Variants in EML4 observed in about 807,000 individuals in gnomAD.
The protein encoded by EML4 is echinoderm microtubule-associated protein-like 4.
A neutral mutation model predicts 129.0 loss-of-function variants in EML4; 72 were observed. That is an observed-to-expected ratio of 0.56 (90% CI 0.46 to 0.68). The LOEUF (loss-of-function observed/expected upper bound fraction) is 0.68, where lower values mean the gene tolerates loss of function less well. Among genes scored for constraint, EML4 ranks in the 30% least tolerant of loss-of-function variants. The probability of loss-of-function intolerance (pLI) is 0.00; values close to 1 mark genes in which losing one functional copy is unlikely to be tolerated. For synonymous variants in EML4, 532 were observed against 405.0 expected (o/e 1.31, Z -3.77); for missense variants, 1,363 against 1,190.6 (o/e 1.14, Z -2.13).
At chr2:42,315,018 T>G (rs1669163015) in intron 17 of EML4, among the ~76,000 whole-genome samples, 1 of 152,276 alleles carries the variant, frequency 6.6e-6, no homozygotes, top group Non-Finnish European at 1.5e-5. Context: ...GTGCAAGTGT[T>G]GGAGGTCTCA....
intron 1 of EML4, among the ~76,000 whole-genome samples, chr2:42,214,938 C>T (rs1673095977): frequency 6.6e-6 from 1 of 152,178 alleles, no homozygotes; most frequent in Non-Finnish European, 1.5e-5. Context: ...AAGCAAGTCA[C>T]AAGGCCAGCC....
intron 1 of EML4, among the ~76,000 whole-genome samples, chr2:42,204,124 T>TTAATA (rs1672399626): frequency 6.6e-6 from 1 of 152,150 alleles, no homozygotes. Context: ...CTCACTTTGT[T>TTAATA]GCCCAGGCTG....
At chr2:42,297,796 T>C (rs547161502) in intron 13 of EML4, among the ~76,000 whole-genome samples, 8 of 152,342 alleles carry the variant, frequency 5.3e-5, no homozygotes, top group African/African-American at 1.7e-4. Flanking sequence ...AGGAGATTTT[T>C]TGGATGGCAG....
chr2:42,200,321 C>T (rs1672151010), intron 1 of EML4, among the ~76,000 whole-genome samples: 1 of 151,848 alleles, frequency 6.6e-6, no homozygotes, highest in Non-Finnish European at 1.5e-5. Context: ...CAAGACTACG[C>T]CTCAAAAAAA....
At chr2:42,181,379 T>G (rs1670930799) in intron 1 of EML4, among the ~76,000 whole-genome samples, 1 of 152,086 alleles carries the variant, frequency 6.6e-6, no homozygotes, top group Non-Finnish European at 1.5e-5. Context: ...GCTCACCGCA[T>G]CCTCCACCTC....
intron 1 of EML4, among the ~76,000 whole-genome samples, chr2:42,202,161 G>A (rs1209136115): frequency 3.3e-5 from 5 of 152,060 alleles, no homozygotes; most frequent in Admixed American, 1.3e-4. Context: ...AAGGAGAGGC[G>A]TTGGTCAAAT....
chr2:42,300,401 T>TA (rs942289170), intron 13 of EML4, among the ~76,000 whole-genome samples: 1 of 152,192 alleles, frequency 6.6e-6, no homozygotes, highest in African/African-American at 2.4e-5. Context: ...AAATATAATT[T>TA]AAAAAACCAC....
chr2:42,241,738 GCA>G (rs1478523917), intron 1 of EML4, among the ~76,000 whole-genome samples: 4 of 152,142 alleles, frequency 2.6e-5, no homozygotes, highest in Admixed American at 2.6e-4. Flanking sequence ...AAAATAAAAG[GCA>G]CATAAGGTGA....
intron 1 of EML4, among the ~76,000 whole-genome samples, chr2:42,192,127 A>G (rs2103906542): frequency 6.6e-6 from 1 of 151,516 alleles, no homozygotes; most frequent in East Asian, 1.9e-4. Context: ...TGTCTCAAAA[A>G]AAAAAAAAAT....
At chr2:42,237,154 C>A (rs753841264) in intron 1 of EML4, among the ~76,000 whole-genome samples, 1 of 152,006 alleles carries the variant, frequency 6.6e-6, no homozygotes, top group African/African-American at 2.4e-5. Flanking sequence ...AGGCTGGTCT[C>A]GAACTCCTGA....
chr2:42,169,897 G>A (rs1454028623), intron 1 of EML4: 2 of 403,500 alleles, frequency 5.0e-6, no homozygotes, highest in Non-Finnish European at 8.9e-6. Flanking sequence ...CCCAAAGTGG[G>A]AACCCCTTCC....
intron 1 of EML4, among the ~76,000 whole-genome samples, chr2:42,188,554 C>CT (rs35681448): frequency 0.31 from 47,058 of 150,986 alleles, 7,651 homozygotes; most frequent in East Asian, 0.55. Flanking sequence ...TTTAAAATTA[C>CT]TTTTTTTTTG....
At chr2:42,290,372 C>T (rs1667568118) in intron 11 of EML4, among the ~76,000 whole-genome samples, 1 of 151,878 alleles carries the variant, frequency 6.6e-6, no homozygotes, top group Non-Finnish European at 1.5e-5. Context: ...AAGGCGAGGG[C>T]AGCCCAGATG....
chr2:42,280,785 A>T, intron 6 of EML4, 65 bp from the exon 7 acceptor site: 1 of 1,269,498 alleles, frequency 7.9e-7, no homozygotes, highest in Non-Finnish European at 1.1e-6. Flanking sequence ...TCACGTTAAT[A>T]ATCCACTTTT....
At chr2:42,282,227 T>C (rs1246522193) in intron 7 of EML4, among the ~76,000 whole-genome samples, 1 of 152,016 alleles carries the variant, frequency 6.6e-6, no homozygotes, top group African/African-American at 2.4e-5. Flanking sequence ...ACATAGGGCC[T>C]ACATTTTTTT....
chr2:42,211,999 C>G (rs1011334069), intron 1 of EML4, among the ~76,000 whole-genome samples: 1 of 152,056 alleles, frequency 6.6e-6, no homozygotes, highest in African/African-American at 2.4e-5. Context: ...TTCATGCCAC[C>G]ACGCCCAGCT....
chr2:42,303,722 G>C (rs891873541), intron 16 of EML4, among the ~76,000 whole-genome samples: 1 of 152,118 alleles, frequency 6.6e-6, no homozygotes, highest in Non-Finnish European at 1.5e-5. Flanking sequence ...TCAGGAGATC[G>C]AGACCATCCT....
In EML4 at chr2:42,247,050, C is replaced by G. The variant is rs1198825127; in HGVS notation, c.208+1363C>G. Among the ~76,000 whole-genome samples, 3 of 152,092 alleles carry G rather than the reference C, an allele frequency of 2.0e-5. No individual in the cohort carries two copies. The East Asian group carries it at 5.8e-4, about 29-fold the overall frequency. ...CGGTGGTAATAGCTAGGAGAGGATG[C>G]TATGTTGAAGGCCAGTTTTAATTAC... On this transcript the variant is annotated intron_variant, in intron 2 of 22. Coordinates refer to ENST00000318522, the MANE Select transcript of EML4 (RefSeq NM_019063.5).
chr2:42,221,445 T>A (rs1673592274), intron 1 of EML4, among the ~76,000 whole-genome samples: 1 of 144,430 alleles, frequency 6.9e-6, no homozygotes, highest in Non-Finnish European at 1.5e-5. Context: ...GACCTTGCTT[T>A]GTCACCCAGG....
Sources: gnomAD v4.1 joint callset for allele counts (sites outside exome capture counted in the v4.1 genomes callset) on GRCh38, gnomAD v4.1.1 for gene constraint, MANE v1.5 for transcripts, NCBI Gene and HGNC (gene_info 2026-07-23, HGNC 2026-07-21) for gene names.